Variants in CUL1 observed in about 807,000 individuals in gnomAD.
CUL1 encodes the protein cullin 1.
Under a neutral mutation model 118.0 loss-of-function variants are expected in CUL1, and 24 were observed. The observed-to-expected ratio is 0.20, with a 90% confidence interval of 0.15 to 0.29. CUL1 has a LOEUF of 0.29. CUL1 is among the 10% of genes least tolerant of loss of function. The pLI is 1.00. For synonymous variants in CUL1, 332 were observed against 340.4 expected, an observed-to-expected ratio of 0.98 and a Z score of 0.27; for missense variants, 361 against 933.8, an observed-to-expected ratio of 0.39 and a Z score of 7.99.
chr7:148,751,547 A>C lies in CUL1; in HGVS notation c.141-2429A>C, dbSNP rs920280762. ...GAGACTCTGTCTCAAAAAAAAAAAA[A>C]AAAAAAACCTCTCTTGTCACTTTGT... is the stretch of plus-strand genomic sequence containing the variant. On this transcript the variant is annotated intron_variant, in intron 2 of 21. Transcript: ENST00000325222. 2.0e-5 allele frequency among the ~76,000 whole-genome samples: 3 copies of C among 151,726 alleles called. No homozygotes were observed. In the East Asian group the frequency reaches 5.8e-4, roughly 29 times the overall value.
chr7:148,722,672 G>T (rs912198248), intron 1 of CUL1, among the ~76,000 whole-genome samples: 1 of 152,222 alleles, frequency 6.6e-6, no homozygotes. Flanking sequence ...GGACACTTTG[G>T]CACAGCCCAG....
intron 9 of CUL1, among the ~76,000 whole-genome samples, chr7:148,770,075 T>C (rs563044614): frequency 6.6e-6 from 1 of 152,368 alleles, no homozygotes; most frequent in Non-Finnish European, 1.5e-5. Flanking sequence ...ATGCTGCCGA[T>C]TGACTTTGTC....
intron 17 of CUL1, among the ~76,000 whole-genome samples, chr7:148,793,857 T>C (rs1218521873): frequency 6.6e-6 from 1 of 152,234 alleles, no homozygotes; most frequent in African/African-American, 2.4e-5. Flanking sequence ...TTTCATATTC[T>C]CACCAACAGT....
intron 3 of CUL1, 54 bp from the exon 4 acceptor site, chr7:148,756,929 A>G (rs1394541866): frequency 2.3e-6 from 3 of 1,281,566 alleles, no homozygotes; most frequent in Non-Finnish European, 3.2e-6. Flanking sequence ...CGTTATTTTT[A>G]ATTTATAATG....
At chr7:148,764,184 C>T (rs1382103391) in intron 7 of CUL1, among the ~76,000 whole-genome samples, 1 of 152,020 alleles carries the variant, frequency 6.6e-6, no homozygotes, top group Non-Finnish European at 1.5e-5. Flanking sequence ...TACTGAGAAC[C>T]GATCCTAGTG....
chr7:148,759,751 GC>G (rs754785308), intron 6 of CUL1, 113 bp downstream of exon 6: 38 of 507,132 alleles, frequency 7.5e-5, no homozygotes, highest in Non-Finnish European at 1.2e-4. Context: ...GATATTGTTA[GC>G]ATTTACGAAG....
At chr7:148,700,872 T>G (rs1328986780) in intron 1 of CUL1, among the ~76,000 whole-genome samples, 1 of 152,204 alleles carries the variant, frequency 6.6e-6, no homozygotes. Flanking sequence ...GCTCAGGTCC[T>G]TATAGCCAGC....
At chr7:148,797,732 A>C in intron 17 of CUL1, 80 bp from the exon 18 acceptor site, 1 of 935,780 alleles carries the variant, frequency 1.1e-6, no homozygotes, top group Non-Finnish European at 1.7e-6. Context: ...TGGAAAATGG[A>C]CTGTGAGGTT....
At chr7:148,708,131 C>T (rs540325309) in intron 1 of CUL1, among the ~76,000 whole-genome samples, 4 of 152,340 alleles carry the variant, frequency 2.6e-5, no homozygotes, top group Admixed American at 6.5e-5. Flanking sequence ...TTGATCCTCT[C>T]TTCTAGTCTT....
At chr7:148,716,542 C>T (rs867292886) in intron 1 of CUL1, among the ~76,000 whole-genome samples, 1 of 152,222 alleles carries the variant, frequency 6.6e-6, no homozygotes, top group African/African-American at 2.4e-5. Flanking sequence ...TGTAGTCTCA[C>T]TTCCACCCTT....
rs556672328 is a variant in CUL1 at position 148,752,259 on chromosome 7, A to G, written c.141-1717A>G. Among the ~76,000 whole-genome samples the G allele has an allele frequency of 1.2e-4, 18 of 152,328 alleles. No homozygotes were observed. The East Asian group carries it at 3.3e-3, about 28-fold the overall frequency. On this transcript the variant is annotated intron_variant, in intron 2 of 21. Coordinates refer to ENST00000325222, the MANE Select transcript of CUL1 (RefSeq NM_003592.3). The stretch of plus-strand genomic sequence containing the variant: ...AGGAGTGGGATGAAAGAGGGAGAAT[A>G]TAGTGCTTCACTTATAACCTGTAAT...
chr7:148,699,637 C>T (rs1030871019), intron 1 of CUL1, among the ~76,000 whole-genome samples: 1 of 152,120 alleles, frequency 6.6e-6, no homozygotes, highest in African/African-American at 2.4e-5. Context: ...TGCATTGTTG[C>T]GAACGTGCAG....
intron 1 of CUL1, among the ~76,000 whole-genome samples, chr7:148,708,326 T>A (rs1430495248): frequency 2.0e-5 from 3 of 152,228 alleles, no homozygotes; most frequent in Admixed American, 6.5e-5. Context: ...ACATCTCTAT[T>A]TCTAGCGTTG....
At chr7:148,772,540 A>G (rs1800249052) in intron 9 of CUL1, among the ~76,000 whole-genome samples, 1 of 152,254 alleles carries the variant, frequency 6.6e-6, no homozygotes, top group South Asian at 2.1e-4. Context: ...AGGGCAAACA[A>G]ATTTTGCAGA....
At chr7:148,703,279 G>C (rs1244065315) in intron 1 of CUL1, among the ~76,000 whole-genome samples, 2 of 152,156 alleles carry the variant, frequency 1.3e-5, no homozygotes, top group Admixed American at 6.5e-5. Context: ...TTGTGGGAGA[G>C]TAATTGGGCA....
At chr7:148,752,511 ATATT>A (rs1346137821) in intron 2 of CUL1, among the ~76,000 whole-genome samples, 2 of 152,010 alleles carry the variant, frequency 1.3e-5, no homozygotes, top group Non-Finnish European at 2.9e-5. Flanking sequence ...GCATTAGTAT[ATATT>A]TATTTTACCT....
Position 148,757,112 on chromosome 7 carries a change from T to A in CUL1, c.445T>A (p.Cys149Ser). The change falls in exon 4 of 22, where the codon TGT becomes AGT. Residue 149 changes from cysteine (C) to serine (S), a missense_variant. By Grantham distance (112) the Cys-to-Ser change is moderately radical (BLOSUM62 -1). Around this residue, in one of 7 missense-constraint regions of CUL1, gnomAD observed 169 missense variants for 429.7 expected, o/e 0.39. Transcript: ENST00000325222. The part of the protein sequence containing the change: ...YLNRHWVRRE[C>S]DEGRKGIYEI... ...CAATAGACATTGGGTTCGCCGTGAATGTGACGAAGGACGAAAAGGAATATA... is the reference window on the plus strand; with the variant it reads ...CAATAGACATTGGGTTCGCCGTGAAAGTGACGAAGGACGAAAAGGAATATA... 1 of 1,585,784 alleles carries A rather than the reference T, an allele frequency of 6.3e-7. No homozygotes were observed. Among genetic ancestry groups the A allele is most frequent in the South Asian group, 1.2e-5 (1 of 84,218 alleles).
intron 1 of CUL1, among the ~76,000 whole-genome samples, chr7:148,712,675 C>A (rs1039881932): frequency 6.6e-6 from 1 of 152,154 alleles, no homozygotes; most frequent in African/African-American, 2.4e-5. Context: ...ATTTTATTTT[C>A]GTAACTCACT....
chr7:148,780,637 A>C (rs551154228), intron 9 of CUL1, among the ~76,000 whole-genome samples: 5 of 152,184 alleles, frequency 3.3e-5, no homozygotes, highest in Non-Finnish European at 7.4e-5. Flanking sequence ...ACCTGGGGGA[A>C]GTTTGGTGTG....
Sources: allele counts gnomAD v4.1 joint callset (sites outside exome capture counted in the v4.1 genomes callset), GRCh38; gene constraint gnomAD v4.1.1; regional missense constraint gnomAD v4.1.1; transcripts MANE v1.5; gene names NCBI Gene and HGNC (gene_info 2026-07-23, HGNC 2026-07-21).